MSR1: variants seen among roughly 807,000 people sequenced by gnomAD.
MSR1 encodes macrophage scavenger receptor 1.
In MSR1, 53 loss-of-function variants were observed where a neutral mutation model predicts 47.2. The observed-to-expected ratio is 1.12, with a 90% CI of 0.90 to 1.41. The LOEUF (loss-of-function observed/expected upper bound fraction) is 1.41, where lower values mean the gene tolerates loss of function less well. Among genes scored for constraint, MSR1 ranks in the 40% most tolerant of loss-of-function variants. The pLI, the probability that MSR1 is intolerant of heterozygous loss-of-function variation, is 0.00. For synonymous variants in MSR1, 239 were observed against 185.6 expected (o/e 1.29, Z -2.34); for missense variants, 786 against 546.9 (o/e 1.44, Z -4.36).
At chr8:16,161,998 G>C (rs1378821432) in intron 5 of MSR1, among the ~76,000 whole-genome samples, 1 of 151,988 alleles carries the variant, frequency 6.6e-6, no homozygotes, top group Non-Finnish European at 1.5e-5. Context: ...AGTTACAGAG[G>C]AAAGGAGAGA....
chr8:16,151,919 C>T (rs1483095856), intron 6 of MSR1, among the ~76,000 whole-genome samples: 1 of 152,106 alleles, frequency 6.6e-6, no homozygotes, highest in Non-Finnish European at 1.5e-5. Flanking sequence ...TCAAGCAAGT[C>T]ATTTAACTTT....
chr8:16,154,485 G>A (rs1800944876), intron 6 of MSR1, among the ~76,000 whole-genome samples: 1 of 151,948 alleles, frequency 6.6e-6, no homozygotes, highest in South Asian at 2.1e-4. Flanking sequence ...AAAGCACAGA[G>A]AGTGACTGTC....
chr8:16,127,962 C>T (rs185069542), intron 8 of MSR1, among the ~76,000 whole-genome samples: 183 of 152,240 alleles, frequency 1.2e-3, no homozygotes, highest in Admixed American at 4.4e-3. Flanking sequence ...GTTTAAACAG[C>T]ATTATTCTGG....
intron 2 of MSR1, among the ~76,000 whole-genome samples, chr8:16,176,573 A>C (rs574052537): frequency 1.3e-5 from 2 of 152,096 alleles, no homozygotes; most frequent in African/African-American, 4.8e-5. Context: ...GGAAAAAAGA[A>C]AAAGAACCCA....
chr8:16,121,076 A>G (rs771482351), intron 8 of MSR1: 15 of 382,934 alleles, frequency 3.9e-5, no homozygotes, highest in Non-Finnish European at 7.6e-5. Context: ...ACACAAAAAT[A>G]GGTGATCAAA....
In MSR1 at chr8:16,190,935, G is replaced by T. The variant is rs1048514730; in HGVS notation, c.-5+1663C>A. 2.6e-5 allele frequency among the ~76,000 whole-genome samples: 4 copies of T among 151,980 alleles called. No homozygotes were observed. In the South Asian group the frequency reaches 8.3e-4, roughly 32 times the overall value. ...AGGGTTTCTCCATGTTGGTCAGGCT[G>T]GTCTTGAACTCCCGACCTCAGGTAA... On this transcript the variant is annotated intron_variant, in intron 1 of 9. Coordinates refer to ENST00000262101, the MANE Select transcript of MSR1 (RefSeq NM_138715.3).
At chr8:16,118,957 G>C (rs1257158645) in intron 9 of MSR1, among the ~76,000 whole-genome samples, 1 of 152,100 alleles carries the variant, frequency 6.6e-6, no homozygotes, top group African/African-American at 2.4e-5. Flanking sequence ...TTTTCAACCT[G>C]GGAAAAATGT....
chr8:16,111,372 T>C (rs1799752399), intron 9 of MSR1, among the ~76,000 whole-genome samples: 2 of 152,178 alleles, frequency 1.3e-5, no homozygotes, highest in Non-Finnish European at 2.9e-5. Flanking sequence ...CATGGCTCTG[T>C]CATAATTTGG....
At chr8:16,121,221 AT>A (rs1323915209) in intron 8 of MSR1, 2 of 400,836 alleles carry the variant, frequency 5.0e-6, no homozygotes, top group Non-Finnish European at 9.8e-6. Flanking sequence ...TTAGAAAAAA[AT>A]ATTAACGAGA....
At chr8:16,188,157 T>C (rs1802057089) in intron 1 of MSR1, among the ~76,000 whole-genome samples, 1 of 152,182 alleles carries the variant, frequency 6.6e-6, no homozygotes, top group Non-Finnish European at 1.5e-5. Flanking sequence ...GAAACACGTT[T>C]CTGTAATATC....
At chr8:16,124,605 C>T (rs547807987) in intron 8 of MSR1, among the ~76,000 whole-genome samples, 14 of 152,252 alleles carry the variant, frequency 9.2e-5, no homozygotes, top group African/African-American at 3.4e-4. Context: ...AATGTTCCTT[C>T]TTCCCTTCCC....
chr8:16,142,762 CCT>C (rs1222516767), intron 8 of MSR1, among the ~76,000 whole-genome samples: 2 of 152,058 alleles, frequency 1.3e-5, no homozygotes, highest in African/African-American at 4.8e-5. Context: ...ATATGATCAC[CCT>C]GTTTGTGTTA....
At chr8:16,137,820 C>T (rs896421346) in intron 8 of MSR1, among the ~76,000 whole-genome samples, 3 of 151,862 alleles carry the variant, frequency 2.0e-5, no homozygotes, top group African/African-American at 7.3e-5. Context: ...AGTGAGATCC[C>T]ATTTTTATTT....
chr8:16,153,582 A>C (rs1417229090), intron 6 of MSR1, among the ~76,000 whole-genome samples: 2 of 152,058 alleles, frequency 1.3e-5, no homozygotes, highest in Non-Finnish European at 2.9e-5. Context: ...ACAAAATCAA[A>C]GATTCTTTGC....
At position 16,189,301 on chromosome 8, in the gene MSR1, CAT is replaced by C. The variant is rs577357652; in HGVS notation, c.-5+3295_-5+3296del. On this transcript the variant is annotated intron_variant, in intron 1 of 9. Transcript: ENST00000262101. ...AATATATAAAATCTTATTTACATTT[CAT>C]ATATATATAAAATCTTATTTACATT... Among the ~76,000 whole-genome samples, 308 of 90,504 alleles carry C rather than the reference CAT, an allele frequency of 3.4e-3. 3 individuals are homozygous for C. Among genetic ancestry groups the C allele is most frequent in the East Asian group, 0.02 (67 of 3,430 alleles). 59.4% of individuals were successfully genotyped at this position (90,504 alleles called of 152,430 possible). A position where few individuals can be genotyped will look rare whatever the true frequency, so the allele number is the denominator to read the frequency against.
At chr8:16,132,823 T>C (rs910050200) in intron 8 of MSR1, among the ~76,000 whole-genome samples, 3 of 148,116 alleles carry the variant, frequency 2.0e-5, no homozygotes, top group African/African-American at 7.3e-5. Context: ...ACAGGAGTAG[T>C]GGAGAGGGCA....
intron 8 of MSR1, among the ~76,000 whole-genome samples, chr8:16,134,035 G>C (rs1800326026): frequency 6.6e-6 from 1 of 152,108 alleles, no homozygotes; most frequent in African/African-American, 2.4e-5. Flanking sequence ...CTGCTGCAGG[G>C]TTCATCTTCA....
chr8:16,153,066 A>T (rs1800904390), intron 6 of MSR1, among the ~76,000 whole-genome samples: 2 of 152,064 alleles, frequency 1.3e-5, no homozygotes, highest in Non-Finnish European at 2.9e-5. Flanking sequence ...TGTATTAGTT[A>T]TTTGAGGCTA....
intron 7 of MSR1, among the ~76,000 whole-genome samples, chr8:16,148,629 G>T (rs1018456933): frequency 2.0e-5 from 3 of 151,922 alleles, no homozygotes; most frequent in East Asian, 1.9e-4. Context: ...TTTTGGTAGA[G>T]ACACGGTTTC....
Sources: allele counts gnomAD v4.1 joint callset (sites outside exome capture counted in the v4.1 genomes callset), GRCh38; gene constraint gnomAD v4.1.1; transcripts MANE v1.5; gene names NCBI Gene and HGNC (gene_info 2026-07-23, HGNC 2026-07-21).